TOR2A: variants seen among roughly 807,000 people sequenced by gnomAD.
TOR2A encodes the protein prosalusin.
TOR2A carries 24 observed loss-of-function variants against 28.6 expected under a neutral mutation model. The ratio of observed to expected loss-of-function variants is 0.84; its 90% CI spans 0.61 to 1.18. The LOEUF is 1.18. TOR2A is among the 50% of genes most tolerant of loss of function. The pLI is 0.00. For synonymous variants in TOR2A, 203 were observed against 203.1 expected (o/e 1.00, Z 0.00); for missense variants, 426 against 448.1 (o/e 0.95, Z 0.45).
chr9:127,731,550 A>AC lies in TOR2A; in HGVS notation c.*483dup. The AC allele has an allele frequency of 7.0e-7, 1 of 1,424,422 alleles. No homozygotes were observed. The highest frequency in any genetic ancestry group is 9.2e-7 in the Non-Finnish European group (1 of 1,088,432). 88.2% of individuals were successfully genotyped at this position (1,424,422 alleles called of 1,614,324 possible). ...CTGGTCCCACAGCTGAGTTTATTAT[A>AC]CTTGTTTTCTTTTACAAAATTAAAA... is the stretch of plus-strand genomic sequence containing the variant. On this transcript the variant is annotated 3_prime_UTR_variant, in exon 5 of 5. Coordinates refer to ENST00000373284, the MANE Select transcript of TOR2A (RefSeq NM_001085347.3).
chr9:127,733,790 T>C (rs1844570627), intron 2 of TOR2A: 2 of 569,120 alleles, frequency 3.5e-6, no homozygotes, highest in Admixed American at 6.5e-5. Context: ...CCCACTTCCC[T>C]GTTCAGAGCT....
intron 2 of TOR2A, chr9:127,733,973 G>T (rs912017519): frequency 5.8e-5 from 24 of 411,638 alleles, no homozygotes; most frequent in Non-Finnish European, 9.1e-5. Context: ...CACAAATTGG[G>T]GCTGATTTCC....
Position 127,732,263 on chromosome 9 carries a change from G to A in TOR2A, c.737C>T (p.Ser246Leu), listed in dbSNP as rs199747582. Reference sequence around the variant, plus strand: ...TAGGAGGCGCTCTTCCATGATGCCCGAGTTTGAGAAGCCATCTGCAGGAAG... The same window carrying A: ...TAGGAGGCGCTCTTCCATGATGCCCAAGTTTGAGAAGCCATCTGCAGGAAG... ...LDNPHHGFSN[S>L]GIMEERLLDA... Residue 246 changes from serine to leucine, a missense_variant, in exon 5 of 5, where the codon TCG becomes TTG. Physicochemically the swap from Ser to Leu is moderately radical, Grantham distance 145. Transcript: ENST00000373284. 15 of 1,581,868 alleles carry A rather than the reference G, an allele frequency of 9.5e-6. No homozygotes were observed. The highest frequency in any genetic ancestry group is 2.7e-5 in the African/African-American group (2 of 74,054).
Position 127,734,297 on chromosome 9 carries a change from AC to A in TOR2A, c.417+1del, listed in dbSNP as rs750493817. On this transcript the variant is annotated splice_donor_variant, in intron 2 of 4. Transcript: ENST00000373284. LOFTEE classifies it high-confidence loss of function. ...CAGTGGTCAAGGACGCATCCAGCCT[AC>A]CTTGTAGCGCTCGATGTGGCTGGGG... 1 of 1,587,506 alleles carries A rather than the reference AC, an allele frequency of 6.3e-7. No individual in the cohort carries two copies. The highest frequency in any genetic ancestry group is 2.2e-5 in the East Asian group (1 of 44,476).
At chr9:127,734,928 C>G (rs2131721735) in intron 1 of TOR2A, 192 bp downstream of exon 1, 1 of 816,968 alleles carries the variant, frequency 1.2e-6, no homozygotes, top group African/African-American at 1.8e-5. Context: ...AGGCCTCTCT[C>G]CAGGTTGGCA....
In TOR2A at chr9:127,735,273, G is replaced by C; in HGVS notation, c.-3C>G. The C allele has an allele frequency of 2.9e-6, 4 of 1,388,970 alleles. No individual in the cohort carries two copies. The highest frequency in any genetic ancestry group is 1.6e-5 in the South Asian group (1 of 62,210). The allele number at this position is 1,388,970 out of a possible 1,614,324, so 86.0% of individuals were successfully genotyped here. Reference sequence around the variant, plus strand: ...CAGCCGCGCGTCGCAGCCGCCATCCGGGTGAGGCCCGAGCTCGTTGTGGGG... The same window carrying C: ...CAGCCGCGCGTCGCAGCCGCCATCCCGGTGAGGCCCGAGCTCGTTGTGGGG... On this transcript the variant is annotated 5_prime_UTR_variant, in exon 1 of 5. Transcript: ENST00000373284.
rs1334160463 is a variant in TOR2A at position 127,735,283 on chromosome 9, C to G, written c.-13G>C. The G allele has an allele frequency of 3.6e-6, 5 of 1,377,276 alleles. No homozygotes were observed. The highest frequency in any genetic ancestry group is 6.1e-5 in the East Asian group (2 of 32,728). 85.3% of individuals were successfully genotyped at this position (1,377,276 alleles called of 1,614,324 possible). On this transcript the variant is annotated 5_prime_UTR_variant, in exon 1 of 5. Transcript: ENST00000373284. ...TCGCAGCCGCCATCCGGGTGAGGCC[C>G]GAGCTCGTTGTGGGGCAGTCAACTG...
In TOR2A at chr9:127,735,241, G is replaced by A; in HGVS notation, c.30C>T (p.Pro10=). Residue 10 remains proline (P), a synonymous_variant, in exon 1 of 5, where the codon CCC becomes CCT. Coordinates refer to ENST00000373284, the MANE Select transcript of TOR2A (RefSeq NM_001085347.3). ...CGAGCAGCCCGAGGAGCGAGCCCCA[G>A]GGCCGGCAGCCGCGCGTCGCAGCCG... is the stretch of plus-strand genomic sequence containing the variant. MAAATRGCR[P]WGSLLGLLGL... The A allele has an allele frequency of 1.4e-6, 2 of 1,432,116 alleles. No individual in the cohort carries two copies. Among genetic ancestry groups the A allele is most frequent in the Non-Finnish European group, 1.8e-6 (2 of 1,102,632 alleles). 88.7% of individuals were successfully genotyped at this position (1,432,116 alleles called of 1,614,324 possible). A position where few individuals can be genotyped will look rare whatever the true frequency, so the allele number is the denominator to read the frequency against.
chr9:127,733,270 A>G, intron 3 of TOR2A, 115 bp downstream of exon 3: 1 of 1,613,120 alleles, frequency 6.2e-7, no homozygotes. Context: ...GCACTGGGAA[A>G]GCCCAGCTAA....
At position 127,735,238 on chromosome 9, in the gene TOR2A, C is replaced by T. The variant is rs1844640139; in HGVS notation, c.33G>A (p.Trp11Ter). ...GCCCGAGCAGCCCGAGGAGCGAGCC[C>T]CAGGGCCGGCAGCCGCGCGTCGCAG... MAAATRGCRP[W>*]GSLLGLLGLV... Residue 11 changes from tryptophan to a stop codon, truncating the protein, a stop_gained, in exon 1 of 5, where the codon TGG becomes TGA. Coordinates refer to ENST00000373284, the MANE Select transcript of TOR2A (RefSeq NM_001085347.3). LOFTEE classifies it high-confidence loss of function. 3 of 1,434,556 alleles carry T rather than the reference C, an allele frequency of 2.1e-6. No individual in the cohort carries two copies. Among genetic ancestry groups the T allele is most frequent in the Non-Finnish European group, 2.7e-6 (3 of 1,103,718 alleles). The allele number at this position is 1,434,556 out of a possible 1,614,324, so 88.9% of individuals were successfully genotyped here. A position where few individuals can be genotyped will look rare whatever the true frequency, so the allele number is the denominator to read the frequency against.
At position 127,732,238 on chromosome 9, in the gene TOR2A, T is replaced by C. The variant is rs1466773982; in HGVS notation, c.762A>G (p.Leu254=). ...SNSGIMEERL[L]DAVVPFLPLQ... is the part of the protein sequence containing the mutation. ...GCGGGAGGAAGGGCACCACTGCGTCTAGGAGGCGCTCTTCCATGATGCCCG... is the reference window on the plus strand; with the variant it reads ...GCGGGAGGAAGGGCACCACTGCGTCCAGGAGGCGCTCTTCCATGATGCCCG... Residue 254 remains leucine, a synonymous_variant, in exon 5 of 5, where the codon CTA becomes CTG. Coordinates refer to ENST00000373284, the MANE Select transcript of TOR2A (RefSeq NM_001085347.3). 1 of 1,597,820 alleles carries C rather than the reference T, an allele frequency of 6.3e-7. No individual in the cohort carries two copies. Among genetic ancestry groups the C allele is most frequent in the South Asian group, 1.1e-5 (1 of 90,318 alleles).
chr9:127,733,245 T>C (rs749771297), intron 3 of TOR2A, 140 bp downstream of exon 3: 7 of 1,611,666 alleles, frequency 4.3e-6, no homozygotes, highest in Non-Finnish European at 5.9e-6. Flanking sequence ...ATGTCATCTC[T>C]GAGAGTGGCG....
At position 127,732,940 on chromosome 9, in the gene TOR2A, C is replaced by G. The variant is rs1011645005; in HGVS notation, c.594-249G>C. 10 of 1,408,070 alleles carry G rather than the reference C, an allele frequency of 7.1e-6. No homozygotes were observed. The South Asian group carries it at 1.4e-4, about 20-fold the overall frequency. The allele number at this position is 1,408,070 out of a possible 1,614,324, so 87.2% of individuals were successfully genotyped here. ...GTGTCCCTCAACTGACTTTCCCTCA[C>G]TGAACTTCCAGGAAGGCATCGGGGC... On this transcript the variant is annotated intron_variant, in intron 3 of 4. Transcript: ENST00000373284.
In TOR2A at chr9:127,732,628, G is replaced by C; in HGVS notation, c.657C>G (p.Arg219=). 6.3e-7 allele frequency: 1 copy of C among 1,576,090 alleles called. No homozygotes were observed. Among genetic ancestry groups the C allele is most frequent in the Non-Finnish European group, 8.6e-7 (1 of 1,162,278 alleles). The part of the protein sequence containing the change: ...ALEAWRSRRD[R]EEILLQELEP... ...CCAGCTCCTGCAGGAGGATCTCCTCGCGGTCCCGCCGGCTGCGCCACGCCT... is the reference window on the plus strand; with the variant it reads ...CCAGCTCCTGCAGGAGGATCTCCTCCCGGTCCCGCCGGCTGCGCCACGCCT... The change falls in exon 4 of 5, where the codon CGC becomes CGG. Residue 219 remains arginine, a synonymous_variant. Transcript: ENST00000373284.
In TOR2A at chr9:127,735,235, G is replaced by A; in HGVS notation, c.36C>T (p.Gly12=). 7.0e-7 allele frequency: 1 copy of A among 1,438,384 alleles called. No individual in the cohort carries two copies. The highest frequency in any genetic ancestry group is 1.4e-5 in the South Asian group (1 of 71,814). The allele number at this position is 1,438,384 out of a possible 1,614,324, so 89.1% of individuals were successfully genotyped here. ...CCAGCCCGAGCAGCCCGAGGAGCGA[G>A]CCCCAGGGCCGGCAGCCGCGCGTCG... ...AAATRGCRPW[G]SLLGLLGLVS... is the part of the protein sequence containing the mutation. The change falls in exon 1 of 5, where the codon GGC becomes GGT. Residue 12 remains glycine, a synonymous_variant. Coordinates refer to ENST00000373284, the MANE Select transcript of TOR2A (RefSeq NM_001085347.3).
In TOR2A at chr9:127,732,118, G is replaced by A. The variant is rs1275006533; in HGVS notation, c.882C>T (p.Ser294=). ...RDEVVQAVLD[S]TTFFPEDEQL... ...GCTCGTCTTCAGGGAAGAAGGTGGT[G>A]CTGTCCAGCACAGCCTGGACAACCT... The change falls in exon 5 of 5, where the codon AGC becomes AGT. Residue 294 remains serine (S), a synonymous_variant. Coordinates refer to ENST00000373284, the MANE Select transcript of TOR2A (RefSeq NM_001085347.3). 1 of 1,613,750 alleles carries A rather than the reference G, an allele frequency of 6.2e-7. No individual in the cohort carries two copies.
rs1844643980 is a variant in TOR2A at position 127,735,294 on chromosome 9, T to C, written c.-24A>G. On this transcript the variant is annotated 5_prime_UTR_variant, in exon 1 of 5. Coordinates refer to ENST00000373284, the MANE Select transcript of TOR2A (RefSeq NM_001085347.3). ...ATCCGGGTGAGGCCCGAGCTCGTTG[T>C]GGGGCAGTCAACTGCCTCGCCCGGG... 4 of 1,364,146 alleles carry C rather than the reference T, an allele frequency of 2.9e-6. No individual in the cohort carries two copies. Among genetic ancestry groups the C allele is most frequent in the Admixed American group, 7.9e-5 (2 of 25,436 alleles). The allele number at this position is 1,364,146 out of a possible 1,614,324, so 84.5% of individuals were successfully genotyped here.
At chr9:127,734,874 T>C in intron 1 of TOR2A, 1 of 581,120 alleles carries the variant, frequency 1.7e-6, no homozygotes, top group African/African-American at 2.0e-5. Context: ...GGCCAGGCCA[T>C]TCCGGGGAGG....
rs775422105 is a variant in TOR2A at position 127,733,376 on chromosome 9, G to A, written c.593+9C>T. ...CCCCCACTGTGCCCACTGCAAAGCC[G>A]GGCCCCACCTGATGAAGATGAAGAT... On this transcript the variant is annotated intron_variant, in intron 3 of 4. Transcript: ENST00000373284. The A allele has an allele frequency of 7.4e-6, 12 of 1,613,760 alleles. No homozygotes were observed. The highest frequency in any genetic ancestry group is 2.2e-5 in the East Asian group (1 of 44,886).
Sources: gnomAD v4.1 joint callset for allele counts on GRCh38, gnomAD v4.1.1 for gene constraint, MANE v1.5 for transcripts, NCBI Gene and HGNC (gene_info 2026-07-23, HGNC 2026-07-21) for gene names.